The following CHSY3 variants were observed in gnomAD, a reference collection of about 807,000 sequenced individuals.
CHSY3 encodes chondroitin sulfate synthase 3.
CHSY3 carries 35 observed loss-of-function variants against 67.2 expected under a neutral mutation model. The ratio of observed to expected loss-of-function variants is 0.52; its 90% CI spans 0.40 to 0.69. The LOEUF is 0.69. Among genes scored for constraint, CHSY3 ranks in the 30% least tolerant of loss-of-function variants. The probability of loss-of-function intolerance (pLI) is 0.00; values close to 1 mark genes in which losing one functional copy is unlikely to be tolerated. For missense variants in CHSY3, 1,069 were observed against 1,138.5 expected (o/e 0.94, Z 0.88); for synonymous variants, 474 against 434.7 (o/e 1.09, Z -1.12).
At chr5:130,147,340 A>G (rs545600640) in intron 2 of CHSY3, among the ~76,000 whole-genome samples, 31 of 152,154 alleles carry the variant, frequency 2.0e-4, no homozygotes, top group Non-Finnish European at 2.6e-4. Flanking sequence ...AGCTTTATTT[A>G]TTCCAGGTAG....
intron 2 of CHSY3, among the ~76,000 whole-genome samples, chr5:129,991,741 G>A (rs1428298816): frequency 2.0e-5 from 3 of 152,142 alleles, no homozygotes; most frequent in South Asian, 2.1e-4. Flanking sequence ...GGAAAAAGAG[G>A]AAGAAGAAAA....
chr5:130,081,938 G>T (rs144143901), intron 2 of CHSY3, among the ~76,000 whole-genome samples: 8 of 151,956 alleles, frequency 5.3e-5, no homozygotes, highest in Non-Finnish European at 1.2e-4. Flanking sequence ...ATTTAACAGA[G>T]GAATTAAGGA....
chr5:129,944,918 G>A (rs774932847), intron 2 of CHSY3, among the ~76,000 whole-genome samples: 1 of 152,110 alleles, frequency 6.6e-6, no homozygotes, highest in Non-Finnish European at 1.5e-5. Flanking sequence ...AAAAATAAGT[G>A]AGTTTTTTGT....
chr5:130,064,446 C>T (rs181796821), intron 2 of CHSY3, among the ~76,000 whole-genome samples: 1 of 152,208 alleles, frequency 6.6e-6, no homozygotes, highest in African/African-American at 2.4e-5. Context: ...ACTGCCCATC[C>T]TTTTTGTGTT....
intron 2 of CHSY3, among the ~76,000 whole-genome samples, chr5:129,937,010 T>C (rs918697329): frequency 1.3e-5 from 2 of 152,204 alleles, no homozygotes; most frequent in African/African-American, 4.8e-5. Context: ...ATTAGCTTCC[T>C]TCATTTGGAG....
chr5:130,037,096 A>G (rs1422363692), intron 2 of CHSY3, among the ~76,000 whole-genome samples: 1 of 152,154 alleles, frequency 6.6e-6, no homozygotes, highest in Non-Finnish European at 1.5e-5. Context: ...AGAACGAAAC[A>G]TGCATAGCAA....
At chr5:130,075,557 T>G (rs1766222983) in intron 2 of CHSY3, among the ~76,000 whole-genome samples, 1 of 152,198 alleles carries the variant, frequency 6.6e-6, no homozygotes, top group Non-Finnish European at 1.5e-5. Flanking sequence ...TAAGACATTA[T>G]GTAGGCACTA....
At chr5:129,918,937 C>A (rs1479786777) in intron 2 of CHSY3, among the ~76,000 whole-genome samples, 1 of 148,576 alleles carries the variant, frequency 6.7e-6, no homozygotes, top group East Asian at 2.0e-4. Flanking sequence ...GAAACCCCGT[C>A]TCTACTAAAA....
Position 129,977,196 on chromosome 5 carries a change from T to G in CHSY3, c.1086+68836T>G, listed in dbSNP as rs114820587. Among the ~76,000 whole-genome samples, 1,440 of 152,226 alleles carry G rather than the reference T, an allele frequency of 9.5e-3. 21 individuals carry two copies. Among genetic ancestry groups the G allele is most frequent in the African/African-American group, 0.033 (1,350 of 41,534 alleles). ...AAATGGCATGAAGGCAATCCAAACC[T>G]GAATCTCTGTGCCCCAAAGGTCACA... On this transcript the variant is annotated intron_variant, in intron 2 of 2. Coordinates refer to ENST00000305031, the MANE Select transcript of CHSY3 (RefSeq NM_175856.5).
chr5:129,992,865 T>C (rs1763409398), intron 2 of CHSY3, among the ~76,000 whole-genome samples: 1 of 152,222 alleles, frequency 6.6e-6, no homozygotes, highest in African/African-American at 2.4e-5. Flanking sequence ...TATGTCAAGT[T>C]GTGTACTAAA....
At chr5:129,961,168 C>T (rs1762318018) in intron 2 of CHSY3, among the ~76,000 whole-genome samples, 1 of 151,994 alleles carries the variant, frequency 6.6e-6, no homozygotes, top group Non-Finnish European at 1.5e-5. Context: ...CCTTCCTTCC[C>T]TCTTTAAATT....
intron 2 of CHSY3, among the ~76,000 whole-genome samples, chr5:130,080,079 CACAT>C (rs1211020797): frequency 2.0e-5 from 3 of 147,520 alleles, no homozygotes; most frequent in East Asian, 2.0e-4. Flanking sequence ...CAGAAAAACA[CACAT>C]ACATACATAC....
intron 2 of CHSY3, among the ~76,000 whole-genome samples, chr5:130,065,968 A>G (rs1267698266): frequency 6.6e-6 from 1 of 152,108 alleles, no homozygotes; most frequent in Non-Finnish European, 1.5e-5. Context: ...CTTTCAGGTC[A>G]TTAACTCTTT....
At chr5:130,018,083 T>C (rs1764264501) in intron 2 of CHSY3, among the ~76,000 whole-genome samples, 1 of 152,204 alleles carries the variant, frequency 6.6e-6, no homozygotes, top group African/African-American at 2.4e-5. Context: ...TTCTTTTGTT[T>C]TTTAACAGAC....
chr5:130,006,586 A>C (rs1763883217), intron 2 of CHSY3, among the ~76,000 whole-genome samples: 1 of 152,200 alleles, frequency 6.6e-6, no homozygotes, highest in African/African-American at 2.4e-5. Context: ...TTCTGAATGC[A>C]ATATTGGATT....
chr5:130,057,897 A>G (rs994504006), intron 2 of CHSY3, among the ~76,000 whole-genome samples: 1 of 150,516 alleles, frequency 6.6e-6, no homozygotes, highest in Non-Finnish European at 1.5e-5. Flanking sequence ...ACATACATGC[A>G]CACAGAGAGA....
chr5:129,992,199 T>G (rs897195031), intron 2 of CHSY3, among the ~76,000 whole-genome samples: 13 of 152,278 alleles, frequency 8.5e-5, no homozygotes, highest in African/African-American at 3.1e-4. Context: ...CTATACACTT[T>G]TGCTAAGGCA....
chr5:130,185,318 G>C lies in CHSY3; in HGVS notation c.2176G>C (p.Asp726His), dbSNP rs1770383508. The C allele has an allele frequency of 6.2e-7, 1 of 1,611,232 alleles. No individual in the cohort carries two copies. The highest frequency in any genetic ancestry group is 8.5e-7 in the Non-Finnish European group (1 of 1,177,556). The stretch of plus-strand genomic sequence containing the variant: ...TGATGTTGACTTGATCTTCAGAGAA[G>C]ATTTTCTCCAACGATGTAGAGACAA... ...FCDVDLIFRE[D>H]FLQRCRDNTI... The change falls in exon 3 of 3, where the codon GAT becomes CAT. Residue 726 changes from aspartate (D) to histidine (H), a missense_variant. By Grantham distance (81) the Asp-to-His change is moderately conservative (BLOSUM62 -1). Transcript: ENST00000305031.
intron 2 of CHSY3, among the ~76,000 whole-genome samples, chr5:130,068,033 G>T (rs1222370447): frequency 6.6e-6 from 1 of 152,106 alleles, no homozygotes; most frequent in Non-Finnish European, 1.5e-5. Flanking sequence ...CTGTAAATAT[G>T]TATTACATGT....
Sources: gnomAD v4.1 joint callset for allele counts (sites outside exome capture counted in the v4.1 genomes callset) on GRCh38, gnomAD v4.1.1 for gene constraint, MANE v1.5 for transcripts, NCBI Gene and HGNC (gene_info 2026-07-23, HGNC 2026-07-21) for gene names.